Variants in NALF1 observed in about 807,000 individuals in gnomAD.
The protein encoded by NALF1 is NALCN channel auxiliary factor 1, also known as family with sequence similarity 155 member A.
A neutral mutation model predicts 48.4 loss-of-function variants in NALF1; 3 were observed. The ratio of observed to expected loss-of-function variants is 0.06; its 90% CI spans 0.03 to 0.16. The LOEUF is 0.16. Ranked by LOEUF, NALF1 falls within the 10% of genes least tolerant of loss-of-function variation. The probability of loss-of-function intolerance (pLI) is 1.00; values close to 1 mark genes in which losing one functional copy is unlikely to be tolerated. For missense variants in NALF1, 526 were observed against 571.5 expected (o/e 0.92, Z 0.81); for synonymous variants, 262 against 245.7 (o/e 1.07, Z -0.62).
intron 1 of NALF1, among the ~76,000 whole-genome samples, chr13:107,292,447 GTCTT>G (rs1881640751): frequency 6.6e-6 from 1 of 152,092 alleles, no homozygotes; most frequent in South Asian, 2.1e-4. Context: ...AATATTTTCT[GTCTT>G]TATATGCTTA....
At chr13:107,570,960 T>C (rs1297962235) in intron 1 of NALF1, among the ~76,000 whole-genome samples, 1 of 152,212 alleles carries the variant, frequency 6.6e-6, no homozygotes, top group Non-Finnish European at 1.5e-5. Flanking sequence ...CAATGAGATT[T>C]GTATATTTTA....
intron 1 of NALF1, among the ~76,000 whole-genome samples, chr13:107,513,941 A>C (rs1345559414): frequency 1.3e-5 from 2 of 152,216 alleles, no homozygotes; most frequent in Non-Finnish European, 2.9e-5. Flanking sequence ...TAACCACTGA[A>C]GACAACTTTA....
intron 1 of NALF1, among the ~76,000 whole-genome samples, chr13:107,434,005 A>G (rs1884424331): frequency 6.6e-6 from 1 of 152,172 alleles, no homozygotes; most frequent in Admixed American, 6.5e-5. Flanking sequence ...TCAATTTTCC[A>G]TTGAACTAGG....
At chr13:107,651,441 G>C (rs1880448951) in intron 1 of NALF1, among the ~76,000 whole-genome samples, 1 of 152,160 alleles carries the variant, frequency 6.6e-6, no homozygotes, top group South Asian at 2.1e-4. Flanking sequence ...ATGTCCTAGA[G>C]ACTTGAGTTG....
At chr13:107,595,111 G>A (rs1399166591) in intron 1 of NALF1, among the ~76,000 whole-genome samples, 1 of 152,026 alleles carries the variant, frequency 6.6e-6, no homozygotes, top group East Asian at 1.9e-4. Flanking sequence ...ACAAGACAGC[G>A]ACCACGGTCC....
At chr13:107,228,071 C>A (rs74385086) in intron 1 of NALF1, among the ~76,000 whole-genome samples, 178 of 152,184 alleles carry the variant, frequency 1.2e-3, no homozygotes, top group African/African-American at 4.0e-3. Flanking sequence ...AGGAGTGGTG[C>A]CATTATTGAT....
chr13:107,180,323 A>C (rs1879035169), intron 2 of NALF1, among the ~76,000 whole-genome samples: 1 of 152,086 alleles, frequency 6.6e-6, no homozygotes, highest in Non-Finnish European at 1.5e-5. Context: ...AGGAAATCTT[A>C]AGGAATCTGA....
chr13:107,528,303 A>G (rs1030769941), intron 1 of NALF1, among the ~76,000 whole-genome samples: 3 of 152,172 alleles, frequency 2.0e-5, no homozygotes, highest in Non-Finnish European at 2.9e-5. Flanking sequence ...TTATGTCATA[A>G]TAAGTAAGTT....
chr13:107,526,843 G>A (rs1876462204), intron 1 of NALF1, among the ~76,000 whole-genome samples: 1 of 152,126 alleles, frequency 6.6e-6, no homozygotes, highest in East Asian at 1.9e-4. Flanking sequence ...CTGCTGTTCA[G>A]TAAAGAAATG....
chr13:107,834,847 T>C (rs1879844674), intron 1 of NALF1, among the ~76,000 whole-genome samples: 1 of 152,190 alleles, frequency 6.6e-6, no homozygotes, highest in Non-Finnish European at 1.5e-5. Flanking sequence ...GTGTAACAAA[T>C]TCCTCAGAAA....
intron 2 of NALF1, among the ~76,000 whole-genome samples, chr13:107,171,822 A>T (rs1472032144): frequency 1.3e-5 from 2 of 152,174 alleles, no homozygotes; most frequent in Non-Finnish European, 2.9e-5. Flanking sequence ...ATTTTGTCAT[A>T]TTAATGTCAT....
intron 1 of NALF1, among the ~76,000 whole-genome samples, chr13:107,584,600 A>G (rs1176877048): frequency 6.6e-6 from 1 of 152,164 alleles, no homozygotes; most frequent in Non-Finnish European, 1.5e-5. Flanking sequence ...ATCCCTTATT[A>G]CTGTATGAAA....
intron 1 of NALF1, among the ~76,000 whole-genome samples, chr13:107,355,554 G>A (rs1025042708): frequency 6.6e-6 from 1 of 152,106 alleles, no homozygotes; most frequent in African/African-American, 2.4e-5. Flanking sequence ...GGCGGGGGGT[G>A]AGTGGATCAG....
intron 2 of NALF1, among the ~76,000 whole-genome samples, chr13:107,178,081 A>T (rs189448964): frequency 7.2e-5 from 11 of 152,262 alleles, no homozygotes; most frequent in Admixed American, 7.2e-4. Context: ...TAAATCTAAT[A>T]TCTCAAACTA....
chr13:107,344,220 C>G (rs1882733970), intron 1 of NALF1, among the ~76,000 whole-genome samples: 1 of 151,890 alleles, frequency 6.6e-6, no homozygotes. Flanking sequence ...AAATAAAAGC[C>G]CAGGACCAGA....
Position 107,670,456 on chromosome 13 carries a change from A to C in NALF1, c.915+195226T>G, listed in dbSNP as rs140117933. Among the ~76,000 whole-genome samples, 728 of 152,286 alleles carry C rather than the reference A, an allele frequency of 4.8e-3. 3 individuals carry two copies. The highest frequency in any genetic ancestry group is 8.2e-3 in the Non-Finnish European group (556 of 68,012). On this transcript the variant is annotated intron_variant, in intron 1 of 2. Transcript: ENST00000375915. ...TCAGTCCCCCTTTCTTATGGAAATC[A>C]GTGATAAGACTATCTTTTCTCGAGG...
intron 1 of NALF1, among the ~76,000 whole-genome samples, chr13:107,682,810 C>T (rs1881338504): frequency 6.6e-6 from 1 of 152,174 alleles, no homozygotes; most frequent in South Asian, 2.1e-4. Flanking sequence ...GAGACTTACA[C>T]TGAAAGCCAG....
chr13:107,622,170 T>C (rs1253929850), intron 1 of NALF1, among the ~76,000 whole-genome samples: 3 of 151,872 alleles, frequency 2.0e-5, no homozygotes, highest in Non-Finnish European at 4.4e-5. Flanking sequence ...GGCTCATGCC[T>C]GTAATCCCAG....
intron 1 of NALF1, among the ~76,000 whole-genome samples, chr13:107,408,189 A>G (rs1883931998): frequency 6.6e-6 from 1 of 152,046 alleles, no homozygotes; most frequent in Non-Finnish European, 1.5e-5. Flanking sequence ...AACGAATAAG[A>G]ACTAGTATTT....
Sources: gnomAD v4.1 joint callset for allele counts (sites outside exome capture counted in the v4.1 genomes callset) on GRCh38, gnomAD v4.1.1 for gene constraint, MANE v1.5 for transcripts, NCBI Gene and HGNC (gene_info 2026-07-23, HGNC 2026-07-21) for gene names.